HEATR6: variants seen among roughly 807,000 people sequenced by gnomAD.
The protein encoded by HEATR6 is HEAT repeat-containing protein 6.
A neutral mutation model predicts 132.8 loss-of-function variants in HEATR6; 106 were observed. The ratio of observed to expected loss-of-function variants is 0.80; its 90% CI spans 0.68 to 0.94. The LOEUF (loss-of-function observed/expected upper bound fraction) is 0.94. Ranked by LOEUF, HEATR6 falls within the 40% of genes least tolerant of loss-of-function variation. HEATR6 has a pLI of 0.00. For missense variants in HEATR6, 1,339 were observed against 1,425.1 expected, an observed-to-expected ratio of 0.94 and a Z score of 0.97; for synonymous variants, 529 against 537.8, an observed-to-expected ratio of 0.98 and a Z score of 0.23.
Position 60,045,306 on chromosome 17 carries a change from C to T in HEATR6, c.2974+719G>A, listed in dbSNP as rs114538676. On this transcript the variant is annotated intron_variant, in intron 19 of 19. Coordinates refer to ENST00000184956, the MANE Select transcript of HEATR6 (RefSeq NM_022070.5). ...GGGGAGCAGAGCCAGACTCCCCTCA[C>T]TTGATGTGTGCTCTCCTCTCCAGGA... Among the ~76,000 whole-genome samples, 690 of 152,350 alleles carry T rather than the reference C, an allele frequency of 4.5e-3. 6 individuals are homozygous for T. Among genetic ancestry groups the T allele is most frequent in the African/African-American group, 0.015 (644 of 41,578 alleles).
At position 60,048,272 on chromosome 17, in the gene HEATR6, A is replaced by G; in HGVS notation, c.2664T>C (p.Ile888=). 6.2e-7 allele frequency: 1 copy of G among 1,613,212 alleles called. No homozygotes were observed. The change falls in exon 17 of 20, where the codon ATT becomes ATC. Residue 888 remains isoleucine, a synonymous_variant. Transcript: ENST00000184956. ...WSLGNLTDTL[I]VNMETPDPSF... Reference sequence around the variant, plus strand: ...CAAGCTCAGTCACCTACATGTTGACAATCAGAGTGTCTGTCAGGTTGCCCA... The same window carrying G: ...CAAGCTCAGTCACCTACATGTTGACGATCAGAGTGTCTGTCAGGTTGCCCA...
At chr17:60,046,304 A>G in intron 18 of HEATR6, 75 bp from the exon 19 acceptor site, 1 of 1,244,240 alleles carries the variant, frequency 8.0e-7, no homozygotes, top group Non-Finnish European at 1.1e-6. Flanking sequence ...TCAGCTTTAA[A>G]AAAACCCAGG....
rs750744701 is a variant in HEATR6, at chr17:60,073,222, G to C, written c.526C>G (p.Gln176Glu). ...GCTCTCCTGACTTCAGGATCAGACT[G>C]AGCCAAGTCACTCAACTTCATTAAG... ...GLLMKLSDLA[Q>E]SDPEVRRAAV... is the part of the protein sequence containing the mutation. Residue 176 changes from glutamine to glutamate, a missense_variant, in exon 4 of 20, where the codon CAG becomes GAG. Transcript: ENST00000184956. 1 of 1,613,870 alleles carries C rather than the reference G, an allele frequency of 6.2e-7. No homozygotes were observed. Among genetic ancestry groups the C allele is most frequent in the Admixed American group, 1.7e-5 (1 of 60,022 alleles).
Position 60,043,641 on chromosome 17 carries a change from G to T in HEATR6, c.3468C>A (p.Gly1156=). 1 of 1,614,134 alleles carries T rather than the reference G, an allele frequency of 6.2e-7. No homozygotes were observed. The highest frequency in any genetic ancestry group is 8.5e-7 in the Non-Finnish European group (1 of 1,180,034). Residue 1156 remains glycine (G), a synonymous_variant, in exon 20 of 20, where the codon GGC becomes GGA. Transcript: ENST00000184956. ...AAACGGCCAGGATCTCTTCTAAAAA[G>T]CCCATGATGGCCCTTCTGGCTGTGT... ...TGDTARRAIM[G]FLEEILAVCF...
Position 60,059,472 on chromosome 17 carries a change from C to A in HEATR6, c.1673G>T (p.Ser558Ile). Residue 558 changes from serine to isoleucine, a missense_variant, in exon 11 of 20, where the codon AGC becomes ATC. Transcript: ENST00000184956. Reference protein sequence around the residue: ...SNAPYDRLKLSLLTKVWNQIK... With the variant: ...SNAPYDRLKLILLTKVWNQIK... The stretch of plus-strand genomic sequence containing the variant: ...CTGGTTCCAGACTTTGGTCAGCAGG[C>A]TGAGTTTTAGACGATCATAAGGTGC... 6.2e-7 allele frequency: 1 copy of A among 1,613,822 alleles called. No individual in the cohort carries two copies. Among genetic ancestry groups the A allele is most frequent in the East Asian group, 2.2e-5 (1 of 44,864 alleles).
Position 60,078,796 on chromosome 17 carries a change from A to G in HEATR6, c.119T>C (p.Leu40Pro), listed in dbSNP as rs759929260. The G allele has an allele frequency of 2.6e-5, 42 of 1,595,516 alleles. No homozygotes were observed. In the Admixed American group the frequency reaches 5.4e-4, roughly 20 times the overall value. ...GGCGGAGCTGCTGTCATCCGGGCGC[A>G]GGGCGCAGAGCCTGGCAGACAAGAG... ...FRLLSARLCA[L>P]RPDDSSSART... The change falls in exon 1 of 20, where the codon CTG becomes CCG. Residue 40 changes from leucine to proline, a missense_variant. Leu to Pro is a moderately conservative substitution (Grantham distance 98, BLOSUM62 -3). Coordinates refer to ENST00000184956, the MANE Select transcript of HEATR6 (RefSeq NM_022070.5).
At chr17:60,064,233 G>C (rs1303103679) in intron 9 of HEATR6, 1 of 152,722 alleles carries the variant, frequency 6.5e-6, no homozygotes, top group Non-Finnish European at 1.5e-5. Flanking sequence ...TTGAACCCGG[G>C]AGGCAGAGGT....
In HEATR6 at chr17:60,043,491, C is replaced by T; in HGVS notation, c.*72G>A. The T allele has an allele frequency of 8.2e-7, 1 of 1,217,600 alleles. No homozygotes were observed. The highest frequency in any genetic ancestry group is 1.2e-6 in the Non-Finnish European group (1 of 856,614). 75.4% of individuals were successfully genotyped at this position (1,217,600 alleles called of 1,614,324 possible). Reference sequence around the variant, plus strand: ...ATTGTTTCTGCCCCTAAGATGAAATCCCACAGATCTTATGCTCAAGCTCAG... The same window carrying T: ...ATTGTTTCTGCCCCTAAGATGAAATTCCACAGATCTTATGCTCAAGCTCAG... On this transcript the variant is annotated 3_prime_UTR_variant, in exon 20 of 20. Transcript: ENST00000184956.
chr17:60,066,727 A>ATGACCT (rs1468560314), intron 8 of HEATR6, among the ~76,000 whole-genome samples: 1 of 152,214 alleles, frequency 6.6e-6, no homozygotes, highest in Non-Finnish European at 1.5e-5. Flanking sequence ...TATCTACTGA[A>ATGACCT]TGACCTATGT....
At chr17:60,051,941 C>A (rs975137378) in intron 14 of HEATR6, among the ~76,000 whole-genome samples, 2 of 152,240 alleles carry the variant, frequency 1.3e-5, no homozygotes, top group Non-Finnish European at 2.9e-5. Flanking sequence ...CCCTCCCATA[C>A]TGAACAGGCT....
At chr17:60,073,696 G>C in intron 3 of HEATR6, 50 bp downstream of exon 3, 1 of 1,576,400 alleles carries the variant, frequency 6.3e-7, no homozygotes, top group Admixed American at 1.7e-5. Flanking sequence ...GTTGGCACCA[G>C]AGTCTGTGCT....
intron 3 of HEATR6, 26 bp from the exon 4 acceptor site, chr17:60,073,305 G>A (rs768017811): frequency 1.5e-6 from 2 of 1,310,204 alleles, no homozygotes; most frequent in Non-Finnish European, 1.1e-6. Context: ...GTCAATGTAG[G>A]TCAAAGAAAA....
chr17:60,054,454 T>G (rs1240794859), intron 14 of HEATR6, among the ~76,000 whole-genome samples: 1 of 152,180 alleles, frequency 6.6e-6, no homozygotes, highest in African/African-American at 2.4e-5. Context: ...CTAGTGGAAC[T>G]CTGGGAATGG....
chr17:60,045,065 T>A (rs1203483080), intron 19 of HEATR6, among the ~76,000 whole-genome samples: 1 of 152,206 alleles, frequency 6.6e-6, no homozygotes, highest in Non-Finnish European at 1.5e-5. Flanking sequence ...TCTAGTAGGC[T>A]GAGGGCAAGG....
chr17:60,053,250 C>T (rs568070656), intron 14 of HEATR6, among the ~76,000 whole-genome samples: 3 of 152,314 alleles, frequency 2.0e-5, no homozygotes, highest in African/African-American at 4.8e-5. Context: ...ACTCCCCCTT[C>T]GCCTTCCACC....
chr17:60,067,619 C>T lies in HEATR6; in HGVS notation c.1053G>A (p.Val351=), dbSNP rs1449932190. 6.2e-7 allele frequency: 1 copy of T among 1,612,734 alleles called. No homozygotes were observed. The highest frequency in any genetic ancestry group is 1.7e-5 in the Admixed American group (1 of 59,788). Residue 351 remains valine, a synonymous_variant, in exon 8 of 20, where the codon GTG becomes GTA. Coordinates refer to ENST00000184956, the MANE Select transcript of HEATR6 (RefSeq NM_022070.5). ...ACCAAGTGTTCCCTTCATGCAGGTTCACTCTGCCTGTGCCAGTGACTGGGG... is the reference window on the plus strand; with the variant it reads ...ACCAAGTGTTCCCTTCATGCAGGTTTACTCTGCCTGTGCCAGTGACTGGGG... ...EAAPVTGTGR[V]NLHEGNTWCP... is the part of the protein sequence containing the mutation.
chr17:60,049,492 C>A (rs1361324131), intron 16 of HEATR6, 88 bp downstream of exon 16: 1 of 1,453,494 alleles, frequency 6.9e-7, no homozygotes, highest in Non-Finnish European at 9.5e-7. Flanking sequence ...TTTCCTTTAC[C>A]ATCCAATGCA....
chr17:60,050,820 G>C, intron 15 of HEATR6, 23 bp downstream of exon 15: 1 of 1,613,764 alleles, frequency 6.2e-7, no homozygotes, highest in Non-Finnish European at 8.5e-7. Flanking sequence ...TGATTTAAGG[G>C]TGAGAAAACA....
chr17:60,076,944 TAAAA>T (rs61125649), intron 1 of HEATR6, among the ~76,000 whole-genome samples: 2 of 122,330 alleles, frequency 1.6e-5, no homozygotes, highest in East Asian at 2.3e-4. Flanking sequence ...AGGGAATTCT[TAAAA>T]AAAAAAAAAA....
Sources: gnomAD v4.1 joint callset for allele counts (sites outside exome capture counted in the v4.1 genomes callset) on GRCh38, gnomAD v4.1.1 for gene constraint, MANE v1.5 for transcripts, NCBI Gene and HGNC (gene_info 2026-07-23, HGNC 2026-07-21) for gene names.